The following CYB561A3 variants were observed in gnomAD, a reference collection of about 807,000 sequenced individuals.
CYB561A3 encodes lysosomal membrane ascorbate-dependent ferrireductase CYB561A3.
Under a neutral mutation model 25.3 loss-of-function variants are expected in CYB561A3, and 16 were observed. That is an observed-to-expected ratio of 0.63 (90% confidence interval 0.43 to 0.96). CYB561A3 has a LOEUF of 0.96. Ranked by LOEUF, CYB561A3 falls within the 40% of genes least tolerant of loss-of-function variation. CYB561A3 has a pLI of 0.00. For synonymous variants in CYB561A3, 131 were observed against 129.9 expected, an observed-to-expected ratio of 1.01 and a Z score of -0.06; for missense variants, 219 against 307.5, an observed-to-expected ratio of 0.71 and a Z score of 2.15.
At chr11:61,354,404 T>A in intron 3 of CYB561A3, 1 of 192,850 alleles carries the variant, frequency 5.2e-6, no homozygotes, top group South Asian at 9.5e-5. Flanking sequence ...CGGTGACTCA[T>A]GTCAGCACTT....
chr11:61,350,916 C>T, intron 6 of CYB561A3, 75 bp downstream of exon 6: 1 of 1,523,712 alleles, frequency 6.6e-7, no homozygotes, highest in Non-Finnish European at 8.8e-7. Flanking sequence ...CTTGTCAAGG[C>T]CCCAGCCTTT....
chr11:61,353,868 C>T lies in CYB561A3; in HGVS notation c.309G>A (p.Thr103=), dbSNP rs1235114312. 3.7e-6 allele frequency: 6 copies of T among 1,614,144 alleles called. No homozygotes were observed. Among genetic ancestry groups the T allele is most frequent in the African/African-American group, 2.7e-5 (2 of 75,006 alleles). The change falls in exon 4 of 7, where the codon ACG becomes ACA. Residue 103 remains threonine, a synonymous_variant. Transcript: ENST00000294072. Reference sequence around the variant, plus strand: ...TGGCAGTCCTTCCATGGTTGTGAAACGTAAAGACAGCAACCAGCCCCACAA... The same window carrying T: ...TGGCAGTCCTTCCATGGTTGTGAAATGTAAAGACAGCAACCAGCCCCACAA... ...LTVVGLVAVF[T]FHNHGRTANL...
At position 61,350,353 on chromosome 11, in the gene CYB561A3, C is replaced by T; in HGVS notation, c.*46G>A. The T allele has an allele frequency of 6.3e-7, 1 of 1,597,492 alleles. No homozygotes were observed. The highest frequency in any genetic ancestry group is 1.8e-5 in the Admixed American group (1 of 56,908). On this transcript the variant is annotated 3_prime_UTR_variant, in exon 7 of 7. Transcript: ENST00000294072. ...GGAAGAGCAGAGCTTCTGAGGGGAG[C>T]ACAGGCTGCACCACCAGGAGCTCTT...
intron 6 of CYB561A3, 158 bp from the exon 7 acceptor site, chr11:61,350,580 C>T (rs1684848951): frequency 1.2e-6 from 1 of 862,588 alleles, no homozygotes; most frequent in African/African-American, 1.7e-5. Flanking sequence ...GGTACACACC[C>T]CGTCTCCCTA....
intron 2 of CYB561A3, chr11:61,357,306 C>A: frequency 7.1e-7 from 1 of 1,413,908 alleles, no homozygotes; most frequent in South Asian, 1.3e-5. Flanking sequence ...TGCCCACACT[C>A]CACACCTTGA....
chr11:61,353,751 G>A (rs773710642), intron 4 of CYB561A3, 33 bp downstream of exon 4: 5 of 1,611,678 alleles, frequency 3.1e-6, no homozygotes, highest in Non-Finnish European at 4.2e-6. Flanking sequence ...CATGGCTCTG[G>A]GAACCTCGAG....
chr11:61,356,987 C>T, intron 2 of CYB561A3: 2 of 1,466,860 alleles, frequency 1.4e-6, no homozygotes. Context: ...TATGGCTGGC[C>T]CTGGCGAAGG....
At chr11:61,356,814 G>T in intron 2 of CYB561A3, 86 bp from the exon 3 acceptor site, 1 of 1,530,342 alleles carries the variant, frequency 6.5e-7, no homozygotes, top group East Asian at 2.3e-5. Flanking sequence ...TTTAGCTCTT[G>T]GCCTGTGGGA....
At chr11:61,354,961 C>T (rs192209059) in intron 3 of CYB561A3, among the ~76,000 whole-genome samples, 99 of 151,864 alleles carry the variant, frequency 6.5e-4, no homozygotes, top group African/African-American at 1.7e-3. Flanking sequence ...CTCCGCCTCC[C>T]GGGTTCACGC....
intron 5 of CYB561A3, 140 bp from the exon 6 acceptor site, chr11:61,351,287 T>A: frequency 2.5e-5 from 13 of 518,640 alleles, no homozygotes; most frequent in Admixed American, 5.3e-5. Context: ...ACCCTTTCTT[T>A]TTTTTTTTTT....
rs1370402324 is a variant in CYB561A3, at chr11:61,356,417, C to T, written c.184+113G>A. ...TAGGCCCAGAGACAGCCCAACCCAC[C>T]CTACCCCCATAGCCCCAAGCCCAAC... is the stretch of plus-strand genomic sequence containing the variant. On this transcript the variant is annotated intron_variant, in intron 3 of 6. Transcript: ENST00000294072. 2.4e-5 allele frequency: 16 copies of T among 662,960 alleles called. 3 individuals are homozygous for T. Among genetic ancestry groups the T allele is most frequent in the Non-Finnish European group, 3.7e-5 (16 of 432,600 alleles). The allele number at this position is 662,960 out of a possible 1,614,324, so 41.1% of individuals were successfully genotyped here. A position where few individuals can be genotyped will look rare whatever the true frequency, so the allele number is the denominator to read the frequency against.
intron 1 of CYB561A3, chr11:61,360,954 G>C (rs1012797271): frequency 6.6e-6 from 1 of 150,516 alleles, no homozygotes; most frequent in Non-Finnish European, 1.5e-5. Flanking sequence ...TTCCAGCCTG[G>C]GCGACAGAGT....
Position 61,349,758 on chromosome 11 carries a change from C to T in CYB561A3, c.*641G>A, listed in dbSNP as rs1039130122. On this transcript the variant is annotated 3_prime_UTR_variant, in exon 7 of 7. Coordinates refer to ENST00000294072, the MANE Select transcript of CYB561A3 (RefSeq NM_153611.6). Reference sequence around the variant, plus strand: ...CAGAAGCTGCGTGGGCCGCCACTCCCCCTTTCTGCAATCACCCCATGATGT... The same window carrying T: ...CAGAAGCTGCGTGGGCCGCCACTCCTCCTTTCTGCAATCACCCCATGATGT... The T allele has an allele frequency of 1.5e-6, 1 of 659,062 alleles. No homozygotes were observed. The highest frequency in any genetic ancestry group is 2.7e-5 in the East Asian group (1 of 36,426). 40.8% of individuals were successfully genotyped at this position (659,062 alleles called of 1,614,324 possible). A position where few individuals can be genotyped will look rare whatever the true frequency, so the allele number is the denominator to read the frequency against.
rs1220275715 is a variant in CYB561A3, at chr11:61,351,102, G to A, written c.594C>T (p.Val198=). The change falls in exon 6 of 7, where the codon GTC becomes GTT. Residue 198 remains valine (V), a synonymous_variant. Coordinates refer to ENST00000294072, the MANE Select transcript of CYB561A3 (RefSeq NM_153611.6). ...RPYHSLPSEA[V]FANSTGMLVV... ...CCAGCATCCCGGTGCTGTTGGCAAA[G>A]ACCGCCTCACTGGGCAGGCTGTGGT... The A allele has an allele frequency of 6.2e-7, 1 of 1,613,904 alleles. No individual in the cohort carries two copies. Among genetic ancestry groups the A allele is most frequent in the African/African-American group, 1.3e-5 (1 of 75,014 alleles).
intron 1 of CYB561A3, chr11:61,359,420 A>G (rs942049241): frequency 1.3e-5 from 2 of 152,090 alleles, no homozygotes; most frequent in African/African-American, 2.4e-5. Flanking sequence ...ATCACCAGAT[A>G]TTCACCTAAA....
chr11:61,356,564 A>T lies in CYB561A3; in HGVS notation c.150T>A (p.Leu50=). The change falls in exon 3 of 7, where the codon CTT becomes CTA. Residue 50 remains leucine, a synonymous_variant. Transcript: ENST00000294072. ...AGAATACCACCATGCCAGCAACCAT[A>T]AGCACTGGGTGCCAGTTGAACATGT... ...SIYMFNWHPV[L]MVAGMVVFYG... 1 of 1,614,150 alleles carries T rather than the reference A, an allele frequency of 6.2e-7. No homozygotes were observed.
chr11:61,353,280 C>T (rs542293525), intron 4 of CYB561A3, 141 bp from the exon 5 acceptor site: 24 of 1,086,942 alleles, frequency 2.2e-5, no homozygotes, highest in East Asian at 1.6e-4. Context: ...TGCCCACTAC[C>T]GTGCTAGCTT....
At position 61,350,022 on chromosome 11, in the gene CYB561A3, G is replaced by A. The variant is rs1857323441; in HGVS notation, c.*377C>T. 1.7e-5 allele frequency: 8 copies of A among 483,688 alleles called. No individual in the cohort carries two copies. Among genetic ancestry groups the A allele is most frequent in the South Asian group, 1.1e-4 (5 of 43,712 alleles). The allele number at this position is 483,688 out of a possible 1,614,324, so 30.0% of individuals were successfully genotyped here. The stretch of plus-strand genomic sequence containing the variant: ...CAGGAGCAGCAAGAGCGGCCAGAGC[G>A]AGGAGGACCTCGTGTGAATGGAGGA... On this transcript the variant is annotated 3_prime_UTR_variant, in exon 7 of 7. Transcript: ENST00000294072.
At chr11:61,356,944 G>C in intron 2 of CYB561A3, 1 of 1,448,920 alleles carries the variant, frequency 6.9e-7, no homozygotes, top group Admixed American at 2.8e-5. Context: ...CCCAGCACCT[G>C]GCAGTGCCCA....
Sources: gnomAD v4.1 joint callset for allele counts (sites outside exome capture counted in the v4.1 genomes callset) on GRCh38, gnomAD v4.1.1 for gene constraint, MANE v1.5 for transcripts, NCBI Gene and HGNC (gene_info 2026-07-23, HGNC 2026-07-21) for gene names.